The following EFCAB13 variants were observed in gnomAD, a reference collection of about 807,000 sequenced individuals.
EFCAB13 encodes EF-hand calcium-binding domain-containing protein 13.
EFCAB13 carries 91 observed loss-of-function variants against 110.2 expected under a neutral mutation model. That is an observed-to-expected ratio of 0.83 (90% confidence interval 0.70 to 0.98). EFCAB13 has a LOEUF of 0.98. Ranked by LOEUF, EFCAB13 falls within the 50% of genes least tolerant of loss-of-function variation. The probability of loss-of-function intolerance (pLI) is 0.00; values close to 1 mark genes in which losing one functional copy is unlikely to be tolerated. For synonymous variants in EFCAB13, 323 were observed against 369.9 expected, an observed-to-expected ratio of 0.87 and a Z score of 1.45; for missense variants, 968 against 1,119.4, an observed-to-expected ratio of 0.86 and a Z score of 1.93.
chr17:47,336,056 T>G (rs570015509), intron 5 of EFCAB13, among the ~76,000 whole-genome samples: 1 of 152,326 alleles, frequency 6.6e-6, no homozygotes, highest in East Asian at 1.9e-4. Flanking sequence ...TAAAGAGAAT[T>G]TAAGAAGGAA....
intron 5 of EFCAB13, among the ~76,000 whole-genome samples, chr17:47,337,426 C>T (rs1416679076): frequency 2.0e-5 from 3 of 152,064 alleles, no homozygotes; most frequent in South Asian, 2.1e-4. Flanking sequence ...CTAAACTCAC[C>T]ACAATGCCTA....
rs765189190 is a variant in EFCAB13 at position 47,374,431 on chromosome 17, T to C, written c.878-41T>C. On this transcript the variant is annotated intron_variant, in intron 11 of 24. Transcript: ENST00000331493. Reference sequence around the variant, plus strand: ...GTTATTTTTGAAATGTATTGCAAATTATACAGGTAAATGAAATAATTGTAT... The same window carrying C: ...GTTATTTTTGAAATGTATTGCAAATCATACAGGTAAATGAAATAATTGTAT... The C allele has an allele frequency of 5.8e-6, 8 of 1,388,944 alleles. No homozygotes were observed. In the East Asian group the frequency reaches 7.5e-5, roughly 13 times the overall value. The allele number at this position is 1,388,944 out of a possible 1,614,324, so 86.0% of individuals were successfully genotyped here. A position where few individuals can be genotyped will look rare whatever the true frequency, so the allele number is the denominator to read the frequency against.
intron 18 of EFCAB13, among the ~76,000 whole-genome samples, chr17:47,402,548 T>G (rs2065784671): frequency 6.6e-6 from 1 of 152,224 alleles, no homozygotes; most frequent in African/African-American, 2.4e-5. Flanking sequence ...GTGTCTGACC[T>G]TGCAATTTAA....
At chr17:47,398,058 G>T (rs1294150384) in intron 17 of EFCAB13, among the ~76,000 whole-genome samples, 3 of 141,226 alleles carry the variant, frequency 2.1e-5, no homozygotes, top group East Asian at 4.2e-4. Context: ...GTCCGGGAGG[G>T]AGGTTGGGGG....
intron 6 of EFCAB13, 83 bp downstream of exon 6, chr17:47,342,115 A>G: frequency 1.3e-6 from 1 of 752,434 alleles, no homozygotes; most frequent in South Asian, 1.8e-5. Flanking sequence ...TTTTAGTCCA[A>G]GTGTTGAAAT....
chr17:47,336,282 A>T (rs1308510320), intron 5 of EFCAB13, among the ~76,000 whole-genome samples: 3 of 144,764 alleles, frequency 2.1e-5, no homozygotes, highest in Non-Finnish European at 3.0e-5. Context: ...GTGCGCCGTC[A>T]CACTCGGCTA....
chr17:47,420,967 C>T (rs2143492317), intron 23 of EFCAB13, among the ~76,000 whole-genome samples: 1 of 150,926 alleles, frequency 6.6e-6, no homozygotes, highest in East Asian at 2.0e-4. Context: ...GCCCAGCCAG[C>T]CGCCCCGTCC....
At chr17:47,332,740 C>T (rs371990979) in intron 4 of EFCAB13, among the ~76,000 whole-genome samples, 103 of 152,216 alleles carry the variant, frequency 6.8e-4, no homozygotes, top group South Asian at 4.6e-3. Flanking sequence ...TCGTGAATGA[C>T]AGTTTCCTTC....
At chr17:47,397,821 C>T in intron 17 of EFCAB13, among the ~76,000 whole-genome samples, 1 of 151,874 alleles carries the variant, frequency 6.6e-6, no homozygotes, top group Non-Finnish European at 1.5e-5. Flanking sequence ...CCGGCAGCTG[C>T]CCCGTCTGAG....
intron 20 of EFCAB13, 164 bp from the exon 21 acceptor site, chr17:47,409,483 A>T (rs375715415): frequency 3.3e-6 from 2 of 609,708 alleles, no homozygotes; most frequent in East Asian, 2.6e-5. Flanking sequence ...GAGAGAATGG[A>T]TATTTTGGGA....
chr17:47,374,477 A>G lies in EFCAB13; in HGVS notation c.883A>G (p.Thr295Ala), dbSNP rs1165177535. The G allele has an allele frequency of 6.7e-7, 1 of 1,501,774 alleles. No homozygotes were observed. The highest frequency in any genetic ancestry group is 2.4e-5 in the Admixed American group (1 of 41,092). 93.0% of individuals were successfully genotyped at this position (1,501,774 alleles called of 1,614,324 possible). The change falls in exon 12 of 25, where the codon ACA (threonine) becomes GCA (alanine). Residue 295 changes from threonine to alanine, a missense_variant. Coordinates refer to ENST00000331493, the MANE Select transcript of EFCAB13 (RefSeq NM_152347.5). ...LQEQYEDVSI[T>A]EGSPLNEITS... ...TGTATATTTCTCTTATTTAGCAATT[A>G]CAGAAGGATCACCTTTGAATGAAAT...
intron 9 of EFCAB13, among the ~76,000 whole-genome samples, chr17:47,356,104 CTTTTT>C (rs201962076): frequency 2.1e-5 from 3 of 145,598 alleles, no homozygotes; most frequent in African/African-American, 7.6e-5. Flanking sequence ...TATCCTGTAT[CTTTTT>C]TTTTTTAAGT....
intron 3 of EFCAB13, among the ~76,000 whole-genome samples, chr17:47,327,156 A>C (rs117148866): frequency 0.041 from 6,211 of 151,880 alleles, 291 homozygotes; most frequent in East Asian, 0.24. Context: ...TTCTTTCTTT[A>C]TTTTGTTTTG....
Position 47,374,606 on chromosome 17 carries a change from T to C in EFCAB13, c.1012T>C (p.Leu338=). The C allele has an allele frequency of 6.2e-7, 1 of 1,603,432 alleles. No individual in the cohort carries two copies. Among genetic ancestry groups the C allele is most frequent in the East Asian group, 2.2e-5 (1 of 44,776 alleles). ...CCCTGAACCTTCAATATCCAAAAAGTTAAATAAAAAAAGCAACCAATATTA... is the reference window on the plus strand; with the variant it reads ...CCCTGAACCTTCAATATCCAAAAAGCTAAATAAAAAAAGCAACCAATATTA... ...KLPEPSISKK[L]NKKSNQYYSK... is the part of the protein sequence containing the mutation. Residue 338 remains leucine, a synonymous_variant, in exon 12 of 25, where the codon TTA becomes CTA. Transcript: ENST00000331493.
At position 47,368,798 on chromosome 17, in the gene EFCAB13, A is replaced by T. The variant is rs1333040506; in HGVS notation, c.806-1639A>T. On this transcript the variant is annotated intron_variant, in intron 10 of 24. Transcript: ENST00000331493. ...AGAAGTCTGTGGTTTATGAAATATT[A>T]TGGGAAGATGACTTTTCCACACTAA... is the stretch of plus-strand genomic sequence containing the variant. 3.9e-5 allele frequency among the ~76,000 whole-genome samples: 6 copies of T among 152,206 alleles called. No homozygotes were observed. The East Asian group carries it at 9.6e-4, about 24-fold the overall frequency.
intron 6 of EFCAB13, 53 bp downstream of exon 6, chr17:47,342,085 C>T (rs2065388809): frequency 2.0e-6 from 2 of 1,021,728 alleles, no homozygotes; most frequent in Admixed American, 2.6e-5. Flanking sequence ...TTCCTTAGCC[C>T]TCAAACATTC....
At chr17:47,353,354 A>G (rs2065463732) in intron 9 of EFCAB13, among the ~76,000 whole-genome samples, 1 of 151,468 alleles carries the variant, frequency 6.6e-6, no homozygotes, top group Non-Finnish European at 1.5e-5. Flanking sequence ...GAGTGCAGTG[A>G]CACAATCTTG....
At chr17:47,404,701 A>G (rs2065796727) in intron 20 of EFCAB13, 68 bp downstream of exon 20, 1 of 1,248,174 alleles carries the variant, frequency 8.0e-7, no homozygotes, top group Non-Finnish European at 1.1e-6. Context: ...CACCTAGTAA[A>G]ACCCTAAATT....
chr17:47,337,505 T>C (rs1309903872), intron 5 of EFCAB13, among the ~76,000 whole-genome samples: 1 of 152,058 alleles, frequency 6.6e-6, no homozygotes, highest in African/African-American at 2.4e-5. Context: ...AAAAATGGGG[T>C]ACAGGACAAA....
Sources: gnomAD v4.1 joint callset for allele counts (sites outside exome capture counted in the v4.1 genomes callset) on GRCh38, gnomAD v4.1.1 for gene constraint, MANE v1.5 for transcripts, NCBI Gene and HGNC (gene_info 2026-07-23, HGNC 2026-07-21) for gene names.